The following SETD7 variants were observed in gnomAD, a reference collection of about 807,000 sequenced individuals.
SETD7 encodes SET domain containing 7, histone lysine methyltransferase, also known as histone-lysine N-methyltransferase SETD7.
In SETD7, 16 loss-of-function variants were observed where a neutral mutation model predicts 41.8. That is an observed-to-expected ratio of 0.38 (90% CI 0.26 to 0.58). The LOEUF (loss-of-function observed/expected upper bound fraction) is 0.58, where lower values mean the gene tolerates loss of function less well. SETD7 is among the 20% of genes least tolerant of loss of function. The probability of loss-of-function intolerance (pLI) is 0.64; values close to 1 mark genes in which losing one functional copy is unlikely to be tolerated. For synonymous variants in SETD7, 163 were observed against 169.7 expected, an observed-to-expected ratio of 0.96 and a Z score of 0.31; for missense variants, 346 against 459.7, an observed-to-expected ratio of 0.75 and a Z score of 2.26.
chr4:139,547,906 T>G (rs540541473), intron 1 of SETD7: 1 of 152,358 alleles, frequency 6.6e-6, no homozygotes, highest in South Asian at 2.1e-4. Flanking sequence ...CATGGACTTT[T>G]AAGTCACTGG....
At chr4:139,538,404 G>C (rs942340734) in intron 2 of SETD7, among the ~76,000 whole-genome samples, 2 of 152,040 alleles carry the variant, frequency 1.3e-5, no homozygotes, top group African/African-American at 4.8e-5. Flanking sequence ...ATCTCGGCTT[G>C]CTGCAACCTC....
intron 1 of SETD7, among the ~76,000 whole-genome samples, chr4:139,552,741 C>T (rs1728145343): frequency 6.6e-6 from 1 of 152,228 alleles, no homozygotes; most frequent in Admixed American, 6.5e-5. Flanking sequence ...GTTCCCCTCT[C>T]AACCTGACTC....
downstream of SETD7, among the ~76,000 whole-genome samples, chr4:139,505,482 G>A (rs1297227349): frequency 6.6e-6 from 1 of 152,072 alleles, no homozygotes; most frequent in Non-Finnish European, 1.5e-5. Context: ...CCAGCTACTT[G>A]GGAGGCTGAG....
At chr4:139,516,415 G>A (rs924450906) in intron 7 of SETD7, among the ~76,000 whole-genome samples, 3 of 140,468 alleles carry the variant, frequency 2.1e-5, no homozygotes, top group Admixed American at 7.3e-5. Context: ...GCAGTGAGCC[G>A]AGATCTCACC....
intron 1 of SETD7, 46 bp from the exon 2 acceptor site, chr4:139,547,095 C>T (rs1727980534): frequency 6.2e-7 from 1 of 1,605,282 alleles, no homozygotes; most frequent in African/African-American, 1.3e-5. Flanking sequence ...CTTCAGTGCT[C>T]CTCCCATCTG....
In SETD7 at chr4:139,506,648, T is replaced by A. The variant is rs186829088; in HGVS notation, c.*5015A>T. The stretch of plus-strand genomic sequence containing the variant: ...GTGTTCGTATTGCTACTATACACAG[T>A]GAAAATTTATCCTAATATGTATCAT... On this transcript the variant is annotated 3_prime_UTR_variant, in exon 8 of 8. Transcript: ENST00000274031. 8.4e-4 allele frequency: 129 copies of A among 152,724 alleles called. No individual in the cohort carries two copies. The highest frequency in any genetic ancestry group is 6.8e-3 in the Middle Eastern group (2 of 294). 9.5% of individuals were successfully genotyped at this position (152,724 alleles called of 1,614,324 possible). A position where few individuals can be genotyped will look rare whatever the true frequency, so the allele number is the denominator to read the frequency against.
chr4:139,499,054 T>G (rs1287500281), intron 7 of SETD7, among the ~76,000 whole-genome samples: 1 of 151,970 alleles, frequency 6.6e-6, no homozygotes, highest in Non-Finnish European at 1.5e-5. Context: ...AAAGCAAGAG[T>G]CTGTCTCAAA....
chr4:139,512,579 A>C (rs528849893), intron 7 of SETD7, among the ~76,000 whole-genome samples: 2 of 152,304 alleles, frequency 1.3e-5, no homozygotes, highest in African/African-American at 4.8e-5. Context: ...AATCCTGTTC[A>C]TCTGCACAGC....
At chr4:139,537,533 T>C (rs1727672114) in intron 2 of SETD7, among the ~76,000 whole-genome samples, 1 of 152,216 alleles carries the variant, frequency 6.6e-6, no homozygotes, top group African/African-American at 2.4e-5. Flanking sequence ...ACATTATTCA[T>C]CAGAGCCTAG....
intron 6 of SETD7, among the ~76,000 whole-genome samples, chr4:139,518,348 C>T (rs1184207425): frequency 6.6e-6 from 1 of 152,078 alleles, no homozygotes; most frequent in Non-Finnish European, 1.5e-5. Flanking sequence ...AGGCTGGTCT[C>T]GAACTCCTGA....
chr4:139,518,034 G>T lies in SETD7; in HGVS notation c.771C>A (p.Ser257Arg), dbSNP rs1482450677. ...GVRITHQEVD[S>R]RDWALNGNTL... Reference sequence around the variant, plus strand: ...TGTTCCCATTAAGGGCCCAGTCCCTGCTGTCAACCTGCAGAAAACAAGAAA... The same window carrying T: ...TGTTCCCATTAAGGGCCCAGTCCCTTCTGTCAACCTGCAGAAAACAAGAAA... Residue 257 changes from serine (S) to arginine (R), a missense_variant, in exon 7 of 8, where the codon AGC (serine) becomes AGA (arginine). Around this residue, in one of 3 missense-constraint regions of SETD7, gnomAD observed 266 missense variants for 377.0 expected, o/e 0.71. Coordinates refer to ENST00000274031, the MANE Select transcript of SETD7 (RefSeq NM_030648.4). The T allele has an allele frequency of 6.2e-7, 1 of 1,612,694 alleles. No individual in the cohort carries two copies. Among genetic ancestry groups the T allele is most frequent in the South Asian group, 1.1e-5 (1 of 90,874 alleles).
Position 139,510,473 on chromosome 4 carries a change from T to C in SETD7, c.*1190A>G, listed in dbSNP as rs1726838780. On this transcript the variant is annotated 3_prime_UTR_variant, in exon 8 of 8. Coordinates refer to ENST00000274031, the MANE Select transcript of SETD7 (RefSeq NM_030648.4). ...GGCTGGCAAAATGGCTGAAATGCTA[T>C]TGATAGTGTTGCTTTTAAACTATAC... The C allele has an allele frequency of 6.6e-6, 1 of 152,244 alleles. No homozygotes were observed. The highest frequency in any genetic ancestry group is 1.5e-5 in the Non-Finnish European group (1 of 68,040). The allele number at this position is 152,244 out of a possible 1,614,324, so 9.4% of individuals were successfully genotyped here.
intron 4 of SETD7, among the ~76,000 whole-genome samples, chr4:139,526,998 C>T (rs1727351859): frequency 6.6e-6 from 1 of 152,198 alleles, no homozygotes; most frequent in Admixed American, 6.5e-5. Context: ...ACATGCATCA[C>T]TTAATGAAGG....
intron 7 of SETD7, among the ~76,000 whole-genome samples, 157 bp from the exon 8 acceptor site, chr4:139,512,000 G>A (rs561526988): frequency 5.3e-5 from 8 of 152,134 alleles, no homozygotes; most frequent in Admixed American, 3.3e-4. Flanking sequence ...AGTTTCACCC[G>A]AGAGCTTATT....
chr4:139,552,552 GC>G (rs143041742), intron 1 of SETD7, among the ~76,000 whole-genome samples: 3,429 of 152,170 alleles, frequency 0.023, 123 homozygotes, highest in African/African-American at 0.076. Flanking sequence ...TTTCTAAAGA[GC>G]CCCCACGGCT....
chr4:139,504,875 C>T (rs6838925), downstream of SETD7, among the ~76,000 whole-genome samples: 357 of 152,266 alleles, frequency 2.3e-3, no homozygotes, highest in African/African-American at 7.7e-3. Context: ...TCTTAAGCTT[C>T]CCTCAGTCTG....
chr4:139,513,155 C>T (rs1178876634), intron 7 of SETD7, among the ~76,000 whole-genome samples: 3 of 151,570 alleles, frequency 2.0e-5, no homozygotes, highest in African/African-American at 7.3e-5. Flanking sequence ...CATGGTGGCT[C>T]ACCTCTGTAA....
chr4:139,528,521 G>A (rs1727393917), intron 4 of SETD7, among the ~76,000 whole-genome samples: 1 of 152,124 alleles, frequency 6.6e-6, no homozygotes. Context: ...TGACTTTTCA[G>A]TATCTCCCAC....
At chr4:139,547,229 C>T (rs1271319233) in intron 1 of SETD7, among the ~76,000 whole-genome samples, 180 bp from the exon 2 acceptor site, 1 of 152,214 alleles carries the variant, frequency 6.6e-6, no homozygotes, top group African/African-American at 2.4e-5. Flanking sequence ...TCATCGGCAC[C>T]AGCAGTACCA....
Sources: allele counts gnomAD v4.1 joint callset (sites outside exome capture counted in the v4.1 genomes callset), GRCh38; gene constraint gnomAD v4.1.1; regional missense constraint gnomAD v4.1.1; transcripts MANE v1.5; gene names NCBI Gene and HGNC (gene_info 2026-07-23, HGNC 2026-07-21).